The following RORA variants were observed in gnomAD, a reference collection of about 807,000 sequenced individuals.
RORA encodes RAR related orphan receptor A.
A neutral mutation model predicts 69.5 loss-of-function variants in RORA; 7 were observed. The ratio of observed to expected loss-of-function variants is 0.10; its 90% CI spans 0.06 to 0.19. RORA has a LOEUF of 0.19. Among genes scored for constraint, RORA ranks in the 10% least tolerant of loss-of-function variants. RORA has a pLI of 1.00. For synonymous variants in RORA, 261 were observed against 240.8 expected, an observed-to-expected ratio of 1.08 and a Z score of -0.78; for missense variants, 457 against 663.0, an observed-to-expected ratio of 0.69 and a Z score of 3.41.
chr15:60,875,324 G>A (rs1217736484), intron 1 of RORA, among the ~76,000 whole-genome samples: 1 of 152,164 alleles, frequency 6.6e-6, no homozygotes, highest in Non-Finnish European at 1.5e-5. Flanking sequence ...CAAATAAGCA[G>A]AATTTTAGTA....
chr15:61,067,205 G>A (rs148397676), intron 1 of RORA, among the ~76,000 whole-genome samples: 6,662 of 150,866 alleles, frequency 0.044, 191 homozygotes, highest in Middle Eastern at 0.078. Context: ...TCTGCCTCCC[G>A]GGTTCAAGCG....
intron 1 of RORA, among the ~76,000 whole-genome samples, chr15:60,850,066 T>C (rs1013759551): frequency 3.9e-5 from 6 of 152,176 alleles, no homozygotes; most frequent in African/African-American, 1.4e-4. Context: ...TTAACAAGCA[T>C]GGCGGTATAG....
intron 1 of RORA, among the ~76,000 whole-genome samples, chr15:61,165,184 T>C (rs555365460): frequency 6.6e-6 from 1 of 152,164 alleles, no homozygotes; most frequent in African/African-American, 2.4e-5. Context: ...ACACAGGGAG[T>C]ATCTTCCCCA....
At chr15:60,805,237 T>A (rs1312549377) in intron 1 of RORA, among the ~76,000 whole-genome samples, 1 of 152,202 alleles carries the variant, frequency 6.6e-6, no homozygotes, top group Non-Finnish European at 1.5e-5. Context: ...GACTTCACCA[T>A]ACCCAGTCAC....
At chr15:61,133,553 A>T (rs1769228533) in intron 1 of RORA, among the ~76,000 whole-genome samples, 1 of 152,150 alleles carries the variant, frequency 6.6e-6, no homozygotes, top group South Asian at 2.1e-4. Context: ...CGCTGACTCT[A>T]ATGTCAGGCA....
intron 1 of RORA, among the ~76,000 whole-genome samples, chr15:61,059,982 G>GAAGAAGAA (rs1555406760): frequency 6.2e-4 from 48 of 77,450 alleles, no homozygotes; most frequent in African/African-American, 1.9e-3. Flanking sequence ...AAGAGGAAGA[G>GAAGAAGAA]GAAGAGGAAG....
intron 1 of RORA, among the ~76,000 whole-genome samples, chr15:60,898,388 GC>G (rs1319406883): frequency 6.6e-6 from 1 of 152,038 alleles, no homozygotes; most frequent in Non-Finnish European, 1.5e-5. Flanking sequence ...TGAAATGGTG[GC>G]AGGGGAGCTG....
intron 1 of RORA, among the ~76,000 whole-genome samples, chr15:60,959,477 A>T (rs1264931474): frequency 3.3e-5 from 5 of 152,206 alleles, no homozygotes; most frequent in African/African-American, 1.2e-4. Flanking sequence ...TGTGTCCTGA[A>T]ACACACAAAT....
At chr15:60,942,147 G>A (rs16943385) in intron 1 of RORA, among the ~76,000 whole-genome samples, 2,979 of 152,014 alleles carry the variant, frequency 0.02, 100 homozygotes, top group African/African-American at 0.068. Context: ...ATCAGCAAAA[G>A]CCACAGCTCA....
chr15:61,149,262 C>T (rs566443714), intron 1 of RORA, among the ~76,000 whole-genome samples: 7 of 152,244 alleles, frequency 4.6e-5, no homozygotes, highest in African/African-American at 1.7e-4. Flanking sequence ...GGGGGAGTTC[C>T]CATCAGAGAG....
intron 1 of RORA, among the ~76,000 whole-genome samples, chr15:60,702,573 C>A (rs1410511414): frequency 6.6e-6 from 1 of 152,188 alleles, no homozygotes; most frequent in African/African-American, 2.4e-5. Context: ...AAGCAATGAC[C>A]AGTGTGGAAT....
At chr15:60,677,690 A>G (rs1225559546) in intron 2 of RORA, among the ~76,000 whole-genome samples, 1 of 151,946 alleles carries the variant, frequency 6.6e-6, no homozygotes, top group East Asian at 1.9e-4. Context: ...ACTTTGATGT[A>G]ATACAGATGT....
chr15:60,907,553 C>T lies in RORA; in HGVS notation c.167-228867G>A, dbSNP rs759886135. Among the ~76,000 whole-genome samples, 23 of 152,162 alleles carry T rather than the reference C, an allele frequency of 1.5e-4. 1 individual carries two copies. Among genetic ancestry groups the T allele is most frequent in the Non-Finnish European group, 1.2e-4 (8 of 68,030 alleles). ...TTAGGCTCTTCATTTGTGAATTATT[C>T]GTGCTAGAAGAGGCCATATGTGGAA... On this transcript the variant is annotated intron_variant, in intron 1 of 10. Transcript: ENST00000335670.
chr15:60,546,026 C>T (rs537366047), intron 2 of RORA, among the ~76,000 whole-genome samples: 76 of 152,244 alleles, frequency 5.0e-4, no homozygotes, highest in Middle Eastern at 3.4e-3. Context: ...GTCTCTTCTA[C>T]GTCAGGGAGT....
intron 1 of RORA, among the ~76,000 whole-genome samples, chr15:60,908,604 T>G (rs1891613759): frequency 6.6e-6 from 1 of 152,172 alleles, no homozygotes; most frequent in African/African-American, 2.4e-5. Flanking sequence ...CTGAAAATCC[T>G]GTATGTTCAG....
intron 1 of RORA, among the ~76,000 whole-genome samples, chr15:60,889,561 G>A (rs62006806): frequency 0.057 from 8,622 of 152,288 alleles, 315 homozygotes; most frequent in East Asian, 0.17. Context: ...TGGGGAGAGC[G>A]ACAGTTGGAG....
At chr15:61,140,282 G>A (rs185853054) in intron 1 of RORA, among the ~76,000 whole-genome samples, 45 of 152,282 alleles carry the variant, frequency 3.0e-4, no homozygotes, top group African/African-American at 1.0e-3. Flanking sequence ...ATTCCATTAA[G>A]AGCTCTGGAT....
chr15:60,674,565 G>C (rs1329512019), intron 2 of RORA, among the ~76,000 whole-genome samples: 1 of 152,116 alleles, frequency 6.6e-6, no homozygotes, highest in South Asian at 2.1e-4. Context: ...GAAATATTTT[G>C]ATTTGTGCTA....
intron 2 of RORA, among the ~76,000 whole-genome samples, chr15:60,579,611 T>C (rs2068132643): frequency 6.6e-6 from 1 of 152,192 alleles, no homozygotes; most frequent in East Asian, 1.9e-4. Context: ...TGAACTACCA[T>C]GAGTTATAGG....
Sources: allele counts gnomAD v4.1 joint callset (sites outside exome capture counted in the v4.1 genomes callset), GRCh38; gene constraint gnomAD v4.1.1; transcripts MANE v1.5; gene names NCBI Gene and HGNC (gene_info 2026-07-23, HGNC 2026-07-21).